The following NCOR1 variants were observed in gnomAD, a reference collection of about 807,000 sequenced individuals.
NCOR1 encodes nuclear receptor corepressor 1, also known as protein phosphatase 1, regulatory subunit 109.
Under a neutral mutation model 288.1 loss-of-function variants are expected in NCOR1, and 63 were observed. The ratio of observed to expected loss-of-function variants is 0.22; its 90% CI spans 0.18 to 0.27. NCOR1 has a LOEUF of 0.27. Among genes scored for constraint, NCOR1 ranks in the 10% least tolerant of loss-of-function variants. The probability of loss-of-function intolerance (pLI) is 1.00; values close to 1 mark genes in which losing one functional copy is unlikely to be tolerated. For missense variants in NCOR1, 2,397 were observed against 3,019.2 expected (o/e 0.79, Z 4.83); for synonymous variants, 1,007 against 1,065.9 (o/e 0.94, Z 1.08).
At chr17:16,040,363 G>T in intron 43 of NCOR1, 78 bp downstream of exon 43, 2 of 1,146,076 alleles carry the variant, frequency 1.7e-6, no homozygotes, top group Non-Finnish European at 2.6e-6. Context: ...GTATACAGTT[G>T]GTACTCAGTA....
intron 40 of NCOR1, among the ~76,000 whole-genome samples, chr17:16,053,954 C>A (rs527923852): frequency 6.6e-6 from 1 of 151,468 alleles, no homozygotes; most frequent in African/African-American, 2.4e-5. Context: ...AAAGAATTCC[C>A]TATCAATAAA....
rs1212435528 is a variant in NCOR1 at position 16,034,974 on chromosome 17, ATATAT to A, written c.6956-35_6956-31del. The stretch of plus-strand genomic sequence containing the variant: ...AAGTGAAATTCAAGTTAAAGTATTA[ATATAT>A]TAAGTTCTCAAAAATTACCAAAATG... On this transcript the variant is annotated intron_variant, in intron 44 of 45. Coordinates refer to ENST00000268712, the MANE Select transcript of NCOR1 (RefSeq NM_006311.4). The A allele has an allele frequency of 2.5e-6, 4 of 1,604,046 alleles. No individual in the cohort carries two copies. In the South Asian group the frequency reaches 3.3e-5, roughly 13 times the overall value.
chr17:16,148,473 T>G (rs1343275690), intron 9 of NCOR1, among the ~76,000 whole-genome samples: 1 of 152,074 alleles, frequency 6.6e-6, no homozygotes, highest in Non-Finnish European at 1.5e-5. Flanking sequence ...TTGCTCACCT[T>G]TGCAGAATAA....
intron 40 of NCOR1, among the ~76,000 whole-genome samples, chr17:16,054,144 A>AG (rs1260888030): frequency 6.6e-6 from 1 of 151,630 alleles, no homozygotes; most frequent in Admixed American, 6.6e-5. Flanking sequence ...GGACATAGGC[A>AG]GGGACAAAGA....
intron 3 of NCOR1, among the ~76,000 whole-genome samples, chr17:16,179,794 T>G (rs1303605591): frequency 6.6e-6 from 1 of 151,876 alleles, no homozygotes; most frequent in Non-Finnish European, 1.5e-5. Context: ...GGCGGGCGGA[T>G]CACGAGGTCA....
intron 14 of NCOR1, among the ~76,000 whole-genome samples, chr17:16,132,327 C>T (rs538926062): frequency 6.6e-6 from 1 of 152,270 alleles, no homozygotes; most frequent in South Asian, 2.1e-4. Flanking sequence ...ACAGACTTAC[C>T]AGATGGCAGT....
At position 16,065,704 on chromosome 17, in the gene NCOR1, A is replaced by C; in HGVS notation, c.4742-10T>G. ...AGGTAAGCAGCCGCTGCTGATTGAG[A>C]GAATGAAAGAAAGGCACTGAGTTTT... On this transcript the variant is annotated splice_polypyrimidine_tract_variant and intron_variant, in intron 32 of 45. Transcript: ENST00000268712. 1 of 1,613,578 alleles carries C rather than the reference A, an allele frequency of 6.2e-7. No homozygotes were observed. The highest frequency in any genetic ancestry group is 2.2e-5 in the East Asian group (1 of 44,876).
intron 44 of NCOR1, among the ~76,000 whole-genome samples, chr17:16,038,080 T>A (rs951500528): frequency 6.6e-6 from 1 of 152,144 alleles, no homozygotes; most frequent in African/African-American, 2.4e-5. Context: ...GTTTTTTTTT[T>A]AAGACCTCTA....
intron 26 of NCOR1, among the ~76,000 whole-genome samples, chr17:16,078,294 A>G (rs2062846497): frequency 1.3e-5 from 2 of 152,224 alleles, no homozygotes; most frequent in South Asian, 2.1e-4. Flanking sequence ...AAGAAAAGCG[A>G]TAAGAGACAT....
At chr17:16,129,508 TAAAC>T (rs2075279465) in intron 14 of NCOR1, among the ~76,000 whole-genome samples, 1 of 152,236 alleles carries the variant, frequency 6.6e-6, no homozygotes, top group Admixed American at 6.5e-5. Context: ...AGAAAACTGA[TAAAC>T]TAGGGAGATT....
At chr17:16,143,102 T>A (rs1321417541) in intron 11 of NCOR1, among the ~76,000 whole-genome samples, 1 of 152,182 alleles carries the variant, frequency 6.6e-6, no homozygotes, top group Non-Finnish European at 1.5e-5. Context: ...CATCCCCAGT[T>A]CAACTCTCTC....
At chr17:16,058,881 T>C (rs2060228872) in intron 37 of NCOR1, among the ~76,000 whole-genome samples, 1 of 151,598 alleles carries the variant, frequency 6.6e-6, no homozygotes. Flanking sequence ...ACCCTGTCTC[T>C]ACTAAAAAAA....
chr17:16,121,043 T>G lies in NCOR1; in HGVS notation c.1852+9A>C. The G allele has an allele frequency of 6.2e-7, 1 of 1,609,530 alleles. No homozygotes were observed. Among genetic ancestry groups the G allele is most frequent in the Non-Finnish European group, 8.5e-7 (1 of 1,176,914 alleles). ...TTATGGCCTGTTTATGCCAATTGTT[T>G]CCACTCACTGGGTTCTGGTGGCGGT... On this transcript the variant is annotated intron_variant, in intron 16 of 45. Transcript: ENST00000268712.
rs74841437 is a variant in NCOR1, at chr17:16,158,817, A to T, written c.675T>A (p.Pro225=). The T allele has an allele frequency of 1.7e-3, 2,790 of 1,614,126 alleles. 80 individuals are homozygous for T. In the East Asian group the frequency reaches 0.052, roughly 30 times the overall value. ...TGCGGTGTTTCTGCTCCACAGGAGG[A>T]GGGGACACGGGCTTCTCAGGCTCAG... ...KPPEPEKPVS[P]PPVEQKHRSI... The change falls in exon 6 of 46, where the codon CCT becomes CCA. Residue 225 remains proline, a synonymous_variant. Coordinates refer to ENST00000268712, the MANE Select transcript of NCOR1 (RefSeq NM_006311.4).
intron 26 of NCOR1, among the ~76,000 whole-genome samples, chr17:16,078,734 C>G (rs902554833): frequency 6.6e-6 from 1 of 152,150 alleles, no homozygotes; most frequent in Non-Finnish European, 1.5e-5. Context: ...CACCACTATG[C>G]CCGCCTAATT....
chr17:16,172,066 G>C, intron 3 of NCOR1, 71 bp from the exon 4 acceptor site: 1 of 1,245,848 alleles, frequency 8.0e-7, no homozygotes, highest in Non-Finnish European at 1.1e-6. Context: ...AACATCCCTG[G>C]TTAGACTTTG....
intron 42 of NCOR1, among the ~76,000 whole-genome samples, chr17:16,041,537 C>T (rs1037300136): frequency 2.0e-5 from 3 of 150,792 alleles, no homozygotes; most frequent in Non-Finnish European, 4.4e-5. Context: ...CCTCAGCCTC[C>T]CGAGCAGCTG....
rs115043126 is a variant in NCOR1, at chr17:16,080,871, G to A, written c.3178-144C>T. The stretch of plus-strand genomic sequence containing the variant: ...CTACCCAAAACCAAGAATAGTTTTT[G>A]TAAAGCAAGAAAATCTTCATCGTAG... On this transcript the variant is annotated intron_variant, in intron 23 of 45. Coordinates refer to ENST00000268712, the MANE Select transcript of NCOR1 (RefSeq NM_006311.4). The A allele has an allele frequency of 3.2e-4, 263 of 814,634 alleles. No homozygotes were observed. In the African/African-American group the frequency reaches 4.3e-3, roughly 13 times the overall value. The allele number at this position is 814,634 out of a possible 1,614,324, so 50.5% of individuals were successfully genotyped here.
At position 16,064,858 on chromosome 17, in the gene NCOR1, G is replaced by A. The variant is rs2060947097; in HGVS notation, c.5101+12C>T. 6.3e-7 allele frequency: 1 copy of A among 1,596,820 alleles called. No homozygotes were observed. Among genetic ancestry groups the A allele is most frequent in the Non-Finnish European group, 8.6e-7 (1 of 1,169,418 alleles). ...GGTTCTATTAGAGAGGTGTGTAACT[G>A]TACAATCTCACCTGGAGACATGGAA... is the stretch of plus-strand genomic sequence containing the variant. On this transcript the variant is annotated intron_variant, in intron 34 of 45. Transcript: ENST00000268712.
Sources: allele counts gnomAD v4.1 joint callset (sites outside exome capture counted in the v4.1 genomes callset), GRCh38; gene constraint gnomAD v4.1.1; transcripts MANE v1.5; gene names NCBI Gene and HGNC (gene_info 2026-07-23, HGNC 2026-07-21).